Variants in FAM53A observed in about 807,000 individuals in gnomAD.
The protein encoded by FAM53A is protein FAM53A.
A neutral mutation model predicts 26.6 loss-of-function variants in FAM53A; 28 were observed. The observed-to-expected ratio is 1.05, with a 90% CI of 0.78 to 1.45. FAM53A has a LOEUF of 1.45. Ranked by LOEUF, FAM53A falls within the 40% of genes most tolerant of loss-of-function variation. The probability of loss-of-function intolerance (pLI) is 0.00; values close to 1 mark genes in which losing one functional copy is unlikely to be tolerated. For missense variants in FAM53A, 650 were observed against 575.8 expected, an observed-to-expected ratio of 1.13 and a Z score of -1.32; for synonymous variants, 290 against 253.1, an observed-to-expected ratio of 1.15 and a Z score of -1.38.
intron 4 of FAM53A, among the ~76,000 whole-genome samples, chr4:1,642,427 T>A (rs1711799457): frequency 6.6e-6 from 1 of 150,952 alleles, no homozygotes; most frequent in African/African-American, 2.5e-5. Flanking sequence ...CACCCCCTTC[T>A]CACTCTGCCC....
At chr4:1,623,428 G>T (rs984144340) in intron 1 of FAM53A, among the ~76,000 whole-genome samples, 1 of 151,916 alleles carries the variant, frequency 6.6e-6, no homozygotes, top group Non-Finnish European at 1.5e-5. Flanking sequence ...GTGAGGCTTG[G>T]CCACGGTCTC....
chr4:1,670,587 G>A (rs1202001185), intron 1 of FAM53A, among the ~76,000 whole-genome samples: 5 of 152,160 alleles, frequency 3.3e-5, no homozygotes, highest in African/African-American at 7.2e-5. Context: ...ATCTGAAATC[G>A]CGTGCTCAGC....
At chr4:1,652,133 A>G (rs1712870562) in intron 4 of FAM53A, among the ~76,000 whole-genome samples, 1 of 130,008 alleles carries the variant, frequency 7.7e-6, no homozygotes, top group Middle Eastern at 4.6e-3. Flanking sequence ...CACACACCTC[A>G]TACACCACAC....
rs1385791811 is a variant in FAM53A, at chr4:1,618,113, T to C, written c.432-2A>G. Reference sequence around the variant, plus strand: ...TGGTGAAACAGTCCGTGAGGCAACCTGGAAGGAAGACAGAGGCAGGTGAGT... The same window carrying C: ...TGGTGAAACAGTCCGTGAGGCAACCCGGAAGGAAGACAGAGGCAGGTGAGT... On this transcript the variant is annotated splice_acceptor_variant, in intron 1 of 1. Transcript: ENST00000489029. LOFTEE classifies it high-confidence loss of function. 2.2e-6 allele frequency: 1 copy of C among 456,314 alleles called. No individual in the cohort carries two copies. Among genetic ancestry groups the C allele is most frequent in the Non-Finnish European group, 4.4e-6 (1 of 226,972 alleles). 28.3% of individuals were successfully genotyped at this position (456,314 alleles called of 1,614,324 possible).
chr4:1,589,180 T>C, the FAM53A span, among the ~76,000 whole-genome samples: 1 of 152,204 alleles, frequency 6.6e-6, no homozygotes, highest in African/African-American at 2.4e-5. Context: ...TTTCTGAGAG[T>C]TTAAACAATA....
At chr4:1,622,904 A>C (rs1442269716) in intron 1 of FAM53A, among the ~76,000 whole-genome samples, 1 of 152,236 alleles carries the variant, frequency 6.6e-6, no homozygotes, top group Non-Finnish European at 1.5e-5. Context: ...AGGGGAGGCC[A>C]CACGCACACG....
rs767437844 is a variant in FAM53A, at chr4:1,641,587, G to C, written c.903C>G (p.Ser301Arg). ...KMTQTLKNSK[S>R]LCSLNYEDDD... Reference sequence around the variant, plus strand: ...CATCTTCGTAATTGAGGGAGCAAAGGCTTTTTGAATTTTTTAAAGTCTGCA... The same window carrying C: ...CATCTTCGTAATTGAGGGAGCAAAGCCTTTTTGAATTTTTTAAAGTCTGCA... The change falls in exon 5 of 5, where the codon AGC becomes AGG. Residue 301 changes from serine (S) to arginine (R), a missense_variant. Physicochemically the swap from Ser to Arg is moderately radical, Grantham distance 110. Transcript: ENST00000308132. 5 of 1,614,120 alleles carry C rather than the reference G, an allele frequency of 3.1e-6. No individual in the cohort carries two copies. The South Asian group carries it at 3.3e-5, about 11-fold the overall frequency.
the FAM53A span, among the ~76,000 whole-genome samples, chr4:1,604,671 C>T: frequency 2.0e-5 from 3 of 152,156 alleles, no homozygotes; most frequent in South Asian, 2.1e-4. Flanking sequence ...CCACTTCCTC[C>T]GACGGACACG....
At chr4:1,666,653 G>A (rs1460052829) in intron 2 of FAM53A, among the ~76,000 whole-genome samples, 1 of 152,230 alleles carries the variant, frequency 6.6e-6, no homozygotes, top group Admixed American at 6.5e-5. Flanking sequence ...GTGCCGCTCT[G>A]TATCCTTTGG....
downstream of FAM53A, among the ~76,000 whole-genome samples, chr4:1,614,959 A>T (rs1714754066): frequency 1.3e-5 from 2 of 152,190 alleles, no homozygotes; most frequent in Admixed American, 1.3e-4. Context: ...CAGCAAAATC[A>T]CCAAAGGGAC....
chr4:1,621,738 G>C (rs1308484177), intron 1 of FAM53A, among the ~76,000 whole-genome samples: 1 of 152,208 alleles, frequency 6.6e-6, no homozygotes, highest in East Asian at 1.9e-4. Flanking sequence ...CCCCAGCCTG[G>C]GTCTGCAGGA....
chr4:1,599,280 G>C, the FAM53A span, among the ~76,000 whole-genome samples: 3 of 49,626 alleles, frequency 6.0e-5, no homozygotes, highest in East Asian at 8.4e-4. This position sits in a 1 kb window ranked among gnomAD's most constrained non-coding sequence, Gnocchi z 6.1. Flanking sequence ...AGGGGATCCA[G>C]GGTGCCGGAG....
chr4:1,645,918 G>A (rs1378104052), intron 4 of FAM53A, among the ~76,000 whole-genome samples: 1 of 152,134 alleles, frequency 6.6e-6, no homozygotes, highest in Non-Finnish European at 1.5e-5. Context: ...CAGGTCCTGC[G>A]GGCCTGCACA....
chr4:1,646,673 G>A (rs907529484), intron 4 of FAM53A, among the ~76,000 whole-genome samples: 21 of 152,248 alleles, frequency 1.4e-4, no homozygotes, highest in East Asian at 7.7e-4. Flanking sequence ...AAAACGCAGC[G>A]GGCCTGAAGG....
intron 1 of FAM53A, among the ~76,000 whole-genome samples, chr4:1,619,913 A>C (rs962677378): frequency 6.6e-6 from 1 of 152,120 alleles, no homozygotes; most frequent in Non-Finnish European, 1.5e-5. Context: ...CTTATACTTT[A>C]TTAAAAAACA....
At chr4:1,619,930 C>T (rs1432415475) in intron 1 of FAM53A, among the ~76,000 whole-genome samples, 2 of 152,202 alleles carry the variant, frequency 1.3e-5, no homozygotes, top group East Asian at 3.8e-4. Context: ...AACAAGTCAG[C>T]CGGGCGTGGT....
chr4:1,585,276 CTTT>C, the FAM53A span, among the ~76,000 whole-genome samples: 11,409 of 74,642 alleles, frequency 0.15, 419 homozygotes, highest in Middle Eastern at 0.26. Flanking sequence ...CTCTCTCTCT[CTTT>C]TTTTTTTTTT....
chr4:1,600,760 G>A, the FAM53A span, among the ~76,000 whole-genome samples: 143 of 152,202 alleles, frequency 9.4e-4, no homozygotes, highest in South Asian at 2.5e-3. Flanking sequence ...AGGCTCAAGC[G>A]ATCCTCCTGC....
At chr4:1,668,237 G>A (rs578040660) in intron 2 of FAM53A, among the ~76,000 whole-genome samples, 2 of 151,792 alleles carry the variant, frequency 1.3e-5, no homozygotes, top group Non-Finnish European at 2.9e-5. Flanking sequence ...CCTCCCGGGT[G>A]CATGCCATTC....
Sources: allele counts gnomAD v4.1 joint callset (sites outside exome capture counted in the v4.1 genomes callset), GRCh38; gene constraint gnomAD v4.1.1; non-coding constraint Gnocchi (gnomAD v3.1); transcripts MANE v1.5; gene names NCBI Gene and HGNC (gene_info 2026-07-23, HGNC 2026-07-21).